XKR4: variants seen among roughly 807,000 people sequenced by gnomAD.
XKR4 encodes XK related 4.
A neutral mutation model predicts 53.9 loss-of-function variants in XKR4; 12 were observed. That is an observed-to-expected ratio of 0.22 (90% CI 0.14 to 0.36). The LOEUF (loss-of-function observed/expected upper bound fraction) is 0.36, where lower values mean the gene tolerates loss of function less well. XKR4 is among the 10% of genes least tolerant of loss of function. The pLI is 1.00. For synonymous variants in XKR4, 354 were observed against 362.4 expected (o/e 0.98, Z 0.26); for missense variants, 799 against 859.5 (o/e 0.93, Z 0.88).
chr8:55,257,228 A>C (rs1388711815), intron 1 of XKR4, among the ~76,000 whole-genome samples: 1 of 152,232 alleles, frequency 6.6e-6, no homozygotes, highest in East Asian at 1.9e-4. Context: ...TACATATTCT[A>C]AGGCTTCCTT....
Position 55,449,367 on chromosome 8 carries a change from C to T in XKR4, c.1007-73914C>T, listed in dbSNP as rs1393432566. The T allele has an allele frequency of 6.6e-6, 4 of 603,022 alleles. No homozygotes were observed. The East Asian group carries it at 1.1e-4, about 17-fold the overall frequency. The allele number at this position is 603,022 out of a possible 1,614,324, so 37.4% of individuals were successfully genotyped here. The stretch of plus-strand genomic sequence containing the variant: ...GGGCGGTGCGGGGCAGGGACTAGGG[C>T]TGTACACACAAGTGCTGGGGGCTCG... On this transcript the variant is annotated intron_variant, in intron 2 of 2. Coordinates refer to ENST00000327381, the MANE Select transcript of XKR4 (RefSeq NM_052898.2).
intron 2 of XKR4, among the ~76,000 whole-genome samples, chr8:55,486,902 C>T (rs1222377863): frequency 6.6e-6 from 1 of 152,124 alleles, no homozygotes; most frequent in Non-Finnish European, 1.5e-5. Flanking sequence ...GTAAGGAATA[C>T]GGTAAGAAGG....
chr8:55,125,614 A>C (rs977323300), intron 1 of XKR4, among the ~76,000 whole-genome samples: 1 of 152,264 alleles, frequency 6.6e-6, no homozygotes, highest in Admixed American at 6.5e-5. Context: ...AAAGCCATAA[A>C]CAGTCCAAAG....
chr8:55,354,482 G>A (rs548630451), intron 1 of XKR4, among the ~76,000 whole-genome samples: 1 of 152,312 alleles, frequency 6.6e-6, no homozygotes, highest in Non-Finnish European at 1.5e-5. Flanking sequence ...GGGAGGAGCA[G>A]AGGCAGCTGA....
At chr8:55,180,651 C>G (rs1247240784) in intron 1 of XKR4, among the ~76,000 whole-genome samples, 1 of 152,162 alleles carries the variant, frequency 6.6e-6, no homozygotes, top group Admixed American at 6.5e-5. Context: ...CCTGCCTCAG[C>G]CTCCCGAGCA....
intron 2 of XKR4, among the ~76,000 whole-genome samples, chr8:55,435,123 T>A (rs192677815): frequency 1.3e-5 from 2 of 152,320 alleles, no homozygotes; most frequent in East Asian, 3.9e-4. Context: ...TCTACCAGAT[T>A]GTGCATGAAT....
rs1230981745 is a variant in XKR4 at position 55,205,290 on chromosome 8, CATTTT to C, written c.806+102002_806+102006del. ...ACAACATGCACATTGTACTTTCTGA[CATTTT>C]ATTTTGTTTTGTACTTAAACTATTT... On this transcript the variant is annotated intron_variant, in intron 1 of 2. Transcript: ENST00000327381. 5.3e-5 allele frequency among the ~76,000 whole-genome samples: 8 copies of C among 152,254 alleles called. No individual in the cohort carries two copies. The South Asian group carries it at 8.3e-4, about 16-fold the overall frequency.
chr8:55,375,132 C>G (rs1054307546), intron 2 of XKR4, among the ~76,000 whole-genome samples: 2 of 152,226 alleles, frequency 1.3e-5, no homozygotes, highest in Admixed American at 1.3e-4. Context: ...TGTCTTCACA[C>G]AGCGTGTGGC....
chr8:55,255,589 T>G (rs1188104809), intron 1 of XKR4, among the ~76,000 whole-genome samples: 5 of 152,168 alleles, frequency 3.3e-5, no homozygotes, highest in Non-Finnish European at 7.3e-5. Context: ...AGTGTATAAA[T>G]GAACAACCAA....
intron 2 of XKR4, among the ~76,000 whole-genome samples, chr8:55,398,171 C>T (rs1377733294): frequency 1.3e-5 from 2 of 152,152 alleles, no homozygotes; most frequent in African/African-American, 2.4e-5. Context: ...CAAAACCTCC[C>T]TCTATCTCCA....
At chr8:55,343,920 G>C (rs1803595156) in intron 1 of XKR4, among the ~76,000 whole-genome samples, 1 of 152,206 alleles carries the variant, frequency 6.6e-6, no homozygotes. Flanking sequence ...AACACAAAAT[G>C]ATTGCATTTG....
At chr8:55,478,599 A>G (rs1434080721) in intron 2 of XKR4, among the ~76,000 whole-genome samples, 1 of 152,160 alleles carries the variant, frequency 6.6e-6, no homozygotes, top group East Asian at 1.9e-4. Context: ...AAAGACACAG[A>G]CTGGCAAATT....
chr8:55,234,508 T>C (rs1336965671), intron 1 of XKR4, among the ~76,000 whole-genome samples: 3 of 152,182 alleles, frequency 2.0e-5, no homozygotes, highest in African/African-American at 7.2e-5. Flanking sequence ...AAGCAGACAT[T>C]ACTAAATGTC....
At chr8:55,381,061 C>T (rs117557730) in intron 2 of XKR4, among the ~76,000 whole-genome samples, 1,566 of 152,016 alleles carry the variant, frequency 0.01, 8 homozygotes, top group Non-Finnish European at 0.016. Flanking sequence ...ATTAAATGTC[C>T]GCTTCAAGAG....
At chr8:55,367,563 A>G (rs2129385574) in intron 2 of XKR4, among the ~76,000 whole-genome samples, 1 of 152,304 alleles carries the variant, frequency 6.6e-6, no homozygotes, top group South Asian at 2.1e-4. Context: ...AGAGTTTTCC[A>G]AAGTGCTGGG....
At chr8:55,192,393 G>A (rs1254716966) in intron 1 of XKR4, among the ~76,000 whole-genome samples, 2 of 151,836 alleles carry the variant, frequency 1.3e-5, no homozygotes, top group Non-Finnish European at 2.9e-5. Flanking sequence ...GGGCTATTTT[G>A]AATGATTGGG....
intron 1 of XKR4, among the ~76,000 whole-genome samples, chr8:55,249,933 A>G (rs1232668579): frequency 2.0e-5 from 3 of 152,222 alleles, no homozygotes; most frequent in East Asian, 3.8e-4. Context: ...CTGAAACTTC[A>G]GTAACCAGGA....
At chr8:55,334,555 A>G (rs1368249664) in intron 1 of XKR4, among the ~76,000 whole-genome samples, 1 of 152,120 alleles carries the variant, frequency 6.6e-6, no homozygotes, top group Non-Finnish European at 1.5e-5. Flanking sequence ...ATGTATACTC[A>G]AGGTTGATCT....
At chr8:55,475,939 G>A (rs1585595209) in intron 2 of XKR4, among the ~76,000 whole-genome samples, 1 of 151,900 alleles carries the variant, frequency 6.6e-6, no homozygotes, top group East Asian at 1.9e-4. Context: ...TAGACACAGG[G>A]TTTTGCCAAT....
Sources: allele counts gnomAD v4.1 joint callset (sites outside exome capture counted in the v4.1 genomes callset), GRCh38; gene constraint gnomAD v4.1.1; transcripts MANE v1.5; gene names NCBI Gene and HGNC (gene_info 2026-07-23, HGNC 2026-07-21).